RIPOR3: variants seen among roughly 807,000 people sequenced by gnomAD.
RIPOR3 encodes the protein family with sequence similarity 65 member C.
Under a neutral mutation model 114.3 loss-of-function variants are expected in RIPOR3, and 95 were observed. That is an observed-to-expected ratio of 0.83 (90% CI 0.70 to 0.99). The LOEUF (loss-of-function observed/expected upper bound fraction) is 0.99, where lower values mean the gene tolerates loss of function less well. Among genes scored for constraint, RIPOR3 ranks in the 50% least tolerant of loss-of-function variants. The pLI is 0.00. For synonymous variants in RIPOR3, 575 were observed against 543.8 expected (o/e 1.06, Z -0.80); for missense variants, 1,252 against 1,266.9 (o/e 0.99, Z 0.18).
chr20:50,661,329 C>T (rs1168498793), intron 1 of RIPOR3, among the ~76,000 whole-genome samples: 2 of 152,106 alleles, frequency 1.3e-5, no homozygotes, highest in Non-Finnish European at 2.9e-5. Context: ...CCTGTCTTTA[C>T]CTCCCAAAGT....
chr20:50,640,036 C>T (rs1193743055), intron 1 of RIPOR3, among the ~76,000 whole-genome samples: 1 of 150,392 alleles, frequency 6.6e-6, no homozygotes, highest in Non-Finnish European at 1.5e-5. Context: ...GTGGCTTAGG[C>T]ATAATTTTCC....
At chr20:50,690,307 T>A (rs1600794044) in intron 1 of RIPOR3, among the ~76,000 whole-genome samples, 1 of 152,306 alleles carries the variant, frequency 6.6e-6, no homozygotes, top group East Asian at 1.9e-4. Context: ...CTCTGACATA[T>A]TAACCCTCTT....
At chr20:50,611,610 A>T (rs969005400) in intron 4 of RIPOR3, among the ~76,000 whole-genome samples, 2 of 152,204 alleles carry the variant, frequency 1.3e-5, no homozygotes, top group Non-Finnish European at 2.9e-5. Flanking sequence ...CGGCCATGAC[A>T]AAAGAACATG....
At chr20:50,610,802 G>A in intron 6 of RIPOR3, 51 bp downstream of exon 6, 2 of 1,612,716 alleles carry the variant, frequency 1.2e-6, no homozygotes, top group South Asian at 2.2e-5. Context: ...CTGAGGCCCA[G>A]CAAGCTGGCA....
chr20:50,630,565 A>G (rs1046880103), intron 2 of RIPOR3, among the ~76,000 whole-genome samples, 173 bp downstream of exon 2: 3 of 135,956 alleles, frequency 2.2e-5, no homozygotes, highest in South Asian at 4.7e-4. Context: ...CTCTCTCTCA[A>G]TCTCAATCTC....
At chr20:50,691,016 C>T in intron 1 of RIPOR3, 110 bp downstream of exon 1, 1 of 1,264,636 alleles carries the variant, frequency 7.9e-7, no homozygotes, top group South Asian at 1.2e-5. Context: ...TTGGGAGCTC[C>T]AGGTGGCCTG....
At chr20:50,595,571 G>A in intron 15 of RIPOR3, 67 bp from the exon 16 acceptor site, 2 of 1,584,364 alleles carry the variant, frequency 1.3e-6, no homozygotes, top group East Asian at 2.3e-5. Context: ...TGTTACGGCT[G>A]TGGCTCCCAC....
Position 50,630,802 on chromosome 20 carries a change from CG to C in RIPOR3, c.57del (p.Val20TrpfsTer30). 1 of 1,612,060 alleles carries C rather than the reference CG, an allele frequency of 6.2e-7. No individual in the cohort carries two copies. Among genetic ancestry groups the C allele is most frequent in the Non-Finnish European group, 8.5e-7 (1 of 1,179,480 alleles). On this transcript the variant is annotated frameshift_variant, in exon 2 of 22. Coordinates refer to ENST00000327979, the MANE Select transcript of RIPOR3 (RefSeq NM_001290268.2). LOFTEE classifies it high-confidence loss of function. ...GAGGCGCTCCGGCCCACGACCCCCA[CG>C]GCCCCTGTGTCCCCAGGGGACAGGA... is the stretch of plus-strand genomic sequence containing the variant. ...LRFLSPGDTGAVGVVGRSASF... is the reference protein window; with the variant it reads ...LRFLSPGDTGXVGVVGRSASF...
At chr20:50,592,238 C>G (rs1046717620) in intron 19 of RIPOR3, 106 bp downstream of exon 19, 2 of 1,189,188 alleles carry the variant, frequency 1.7e-6, no homozygotes, top group East Asian at 2.7e-5. Context: ...CTCACAGCTA[C>G]TGCAGCCCCT....
chr20:50,657,697 A>G (rs2085858166), intron 1 of RIPOR3, among the ~76,000 whole-genome samples: 2 of 151,856 alleles, frequency 1.3e-5, no homozygotes, highest in Admixed American at 6.6e-5. Context: ...TTTATTGGCT[A>G]CAATGTGTTG....
chr20:50,673,704 G>C (rs1568957467), intron 1 of RIPOR3, among the ~76,000 whole-genome samples: 1 of 152,092 alleles, frequency 6.6e-6, no homozygotes, highest in Non-Finnish European at 1.5e-5. Flanking sequence ...GTGACCGTTT[G>C]CCCCTATCAG....
chr20:50,602,718 C>G lies in RIPOR3; in HGVS notation c.1087-74G>C, dbSNP rs2083551433. On this transcript the variant is annotated intron_variant, in intron 12 of 21. Coordinates refer to ENST00000327979, the MANE Select transcript of RIPOR3 (RefSeq NM_001290268.2). The surrounding 1 kb of genome is among the most constrained non-coding windows in gnomAD (Gnocchi z 4.3). ...AGCAAGTCCCCCAGAGGGGCTTCCC[C>G]TGACAGACACCCGCTGTGCATGCCC... 1 of 1,172,128 alleles carries G rather than the reference C, an allele frequency of 8.5e-7. No homozygotes were observed. Among genetic ancestry groups the G allele is most frequent in the African/African-American group, 1.6e-5 (1 of 64,208 alleles). 72.6% of individuals were successfully genotyped at this position (1,172,128 alleles called of 1,614,324 possible). A position where few individuals can be genotyped will look rare whatever the true frequency, so the allele number is the denominator to read the frequency against.
intron 1 of RIPOR3, among the ~76,000 whole-genome samples, chr20:50,685,319 C>T (rs895702646): frequency 3.3e-5 from 5 of 149,578 alleles, no homozygotes; most frequent in Admixed American, 1.4e-4. Context: ...CAAGTTCAAG[C>T]GATTCTCCTG....
At chr20:50,622,906 T>G (rs1482913730) in intron 2 of RIPOR3, among the ~76,000 whole-genome samples, 2 of 152,212 alleles carry the variant, frequency 1.3e-5, no homozygotes, top group Non-Finnish European at 2.9e-5. Flanking sequence ...ACCTTTTACA[T>G]GCAAGCTGTT....
rs750533245 is a variant in RIPOR3, at chr20:50,604,651, G to A, written c.1080C>T (p.Tyr360=). Residue 360 remains tyrosine (Y), a synonymous_variant, in exon 12 of 22, where the codon TAC becomes TAT. Transcript: ENST00000327979. ...PPSTPSFRER[Y]YLSVLQQPTQ... is the part of the protein sequence containing the mutation. ...CCCGGGAAGGCTCACTCACCAGGTAGTATCTCTCCCGGAAGCTGGGGGTGC... is the reference window on the plus strand; with the variant it reads ...CCCGGGAAGGCTCACTCACCAGGTAATATCTCTCCCGGAAGCTGGGGGTGC... The A allele has an allele frequency of 6.2e-7, 1 of 1,607,472 alleles. No individual in the cohort carries two copies. The highest frequency in any genetic ancestry group is 8.5e-7 in the Non-Finnish European group (1 of 1,177,470).
chr20:50,641,527 T>G, intron 1 of RIPOR3, among the ~76,000 whole-genome samples: 1 of 150,888 alleles, frequency 6.6e-6, no homozygotes, highest in South Asian at 2.1e-4. Context: ...GGACTACAGG[T>G]GTGAGCCCCA....
chr20:50,588,816 C>T (rs1221013285), intron 20 of RIPOR3, among the ~76,000 whole-genome samples: 3 of 149,920 alleles, frequency 2.0e-5, no homozygotes, highest in Non-Finnish European at 4.4e-5. Context: ...CGCGGTGGCT[C>T]ATGCCTGTAA....
intron 17 of RIPOR3, 94 bp downstream of exon 17, chr20:50,594,459 G>T: frequency 7.1e-7 from 1 of 1,416,970 alleles, no homozygotes; most frequent in Non-Finnish European, 9.7e-7. Context: ...TGAAGACAGG[G>T]CTGAAATGAG....
At chr20:50,639,054 C>T (rs746933706) in intron 1 of RIPOR3, among the ~76,000 whole-genome samples, 1 of 152,094 alleles carries the variant, frequency 6.6e-6, no homozygotes, top group Non-Finnish European at 1.5e-5. Context: ...CCAGCCTGGT[C>T]AACATGGTGA....
Sources: gnomAD v4.1 joint callset for allele counts (sites outside exome capture counted in the v4.1 genomes callset) on GRCh38, gnomAD v4.1.1 for gene constraint, Gnocchi (gnomAD v3.1) non-coding constraint, MANE v1.5 for transcripts, NCBI Gene and HGNC (gene_info 2026-07-23, HGNC 2026-07-21) for gene names.